ACTG2: variants seen among roughly 807,000 people sequenced by gnomAD.
The protein encoded by ACTG2 is actin gamma 2, smooth muscle.
In ACTG2, 16 loss-of-function variants were observed where a neutral mutation model predicts 37.6. The ratio of observed to expected loss-of-function variants is 0.43; its 90% CI spans 0.29 to 0.65. The LOEUF (loss-of-function observed/expected upper bound fraction) is 0.65, where lower values mean the gene tolerates loss of function less well. Among genes scored for constraint, ACTG2 ranks in the 30% least tolerant of loss-of-function variants. The probability of loss-of-function intolerance (pLI) is 0.18; values close to 1 mark genes in which losing one functional copy is unlikely to be tolerated. For missense variants in ACTG2, 238 were observed against 490.9 expected, an observed-to-expected ratio of 0.48 and a Z score of 4.87; for synonymous variants, 181 against 179.9, an observed-to-expected ratio of 1.01 and a Z score of -0.05.
At chr2:73,902,816 T>C (rs1244973124) in intron 3 of ACTG2, 1 of 1,514,044 alleles carries the variant, frequency 6.6e-7, no homozygotes. Context: ...AGCTCTTCAT[T>C]AACCAACAGG....
intron 3 of ACTG2, 31 bp downstream of exon 3, chr2:73,902,519 C>T (rs1434023711): frequency 1.2e-6 from 2 of 1,613,034 alleles, no homozygotes; most frequent in African/African-American, 2.7e-5. Context: ...AATGAGCCTG[C>T]TTTAATGATC....
At chr2:73,908,819 A>G in intron 4 of ACTG2, 36 bp downstream of exon 4, 1 of 1,529,850 alleles carries the variant, frequency 6.5e-7, no homozygotes, top group Non-Finnish European at 9.1e-7. Flanking sequence ...CTGGCATAAG[A>G]ATGCAACATG....
chr2:73,893,224 C>T (rs1054058563), intron 1 of ACTG2, among the ~76,000 whole-genome samples, 173 bp downstream of exon 1: 31 of 152,174 alleles, frequency 2.0e-4, no homozygotes, highest in African/African-American at 7.5e-4. Flanking sequence ...TGAGAAAAGG[C>T]GTATCTGGCC....
At chr2:73,919,248 C>T (rs1197775726) in intron 8 of ACTG2, among the ~76,000 whole-genome samples, 184 bp from the exon 9 acceptor site, 4 of 152,186 alleles carry the variant, frequency 2.6e-5, no homozygotes, top group African/African-American at 9.7e-5. Flanking sequence ...TGCACTCTTC[C>T]CATGGAAGGA....
In ACTG2 at chr2:73,913,533, A is replaced by G; in HGVS notation, c.500A>G (p.Tyr167Cys). The change falls in exon 6 of 9, where the codon TAT becomes TGT. Residue 167 changes from tyrosine to cysteine, a missense_variant. By Grantham distance (194) the Tyr-to-Cys change is radical (BLOSUM62 -2). Transcript: ENST00000345517. The part of the protein sequence containing the change: ...GDGVTHNVPI[Y>C]EGYALPHAIM... ...GGCGTCACCCACAATGTCCCCATCT[A>G]TGAAGGCTATGCCCTGCCCCATGCC... 3 of 1,613,720 alleles carry G rather than the reference A, an allele frequency of 1.9e-6. No individual in the cohort carries two copies. The highest frequency in any genetic ancestry group is 2.5e-6 in the Non-Finnish European group (3 of 1,179,796).
intron 3 of ACTG2, among the ~76,000 whole-genome samples, chr2:73,904,047 C>T (rs1573464576): frequency 1.3e-5 from 2 of 150,828 alleles, no homozygotes; most frequent in Non-Finnish European, 3.0e-5. Context: ...TAGCTTGAGG[C>T]CAGCCTGGGC....
intron 1 of ACTG2, among the ~76,000 whole-genome samples, chr2:73,896,581 G>A (rs569337019): frequency 6.6e-6 from 1 of 152,254 alleles, no homozygotes; most frequent in South Asian, 2.1e-4. Context: ...AAAGGAAGGA[G>A]GAGCAGTGGG....
intron 8 of ACTG2, 123 bp from the exon 9 acceptor site, chr2:73,919,309 A>G: frequency 8.6e-7 from 1 of 1,166,566 alleles, no homozygotes; most frequent in South Asian, 1.5e-5. Context: ...CTAATCTATC[A>G]CAATGTTTCT....
At chr2:73,908,350 T>C (rs144566206) in intron 3 of ACTG2, 10 of 493,014 alleles carry the variant, frequency 2.0e-5, no homozygotes, top group African/African-American at 1.8e-4. Flanking sequence ...AATGAACACT[T>C]GAGTGATACA....
At chr2:73,901,803 C>A (rs1679891474) in intron 2 of ACTG2, 3 of 244,952 alleles carry the variant, frequency 1.2e-5, no homozygotes, top group East Asian at 1.0e-4. Context: ...ATTGAACAAG[C>A]CTCTTGCCTT....
chr2:73,905,439 A>G (rs1433328273), intron 3 of ACTG2, among the ~76,000 whole-genome samples: 2 of 152,204 alleles, frequency 1.3e-5, no homozygotes, highest in Non-Finnish European at 2.9e-5. Context: ...TGAACAGTTA[A>G]TGCAAATTGA....
intron 4 of ACTG2, 128 bp downstream of exon 4, chr2:73,908,911 C>T (rs1680071278): frequency 8.3e-7 from 1 of 1,198,958 alleles, no homozygotes; most frequent in Non-Finnish European, 1.2e-6. Flanking sequence ...GTGGTCCATG[C>T]CAGGCCCTGG....
At chr2:73,894,070 G>A (rs1383863703) in intron 1 of ACTG2, among the ~76,000 whole-genome samples, 1 of 152,152 alleles carries the variant, frequency 6.6e-6, no homozygotes, top group Non-Finnish European at 1.5e-5. Flanking sequence ...CGTATATACA[G>A]CACTCAGCTC....
At chr2:73,903,738 G>T (rs561647259) in intron 3 of ACTG2, among the ~76,000 whole-genome samples, 2 of 152,162 alleles carry the variant, frequency 1.3e-5, no homozygotes, top group South Asian at 4.2e-4. Context: ...TCAGGAGCTT[G>T]AGACCAACCT....
At chr2:73,897,854 A>C (rs1679782973) in intron 1 of ACTG2, among the ~76,000 whole-genome samples, 2 of 152,196 alleles carry the variant, frequency 1.3e-5, no homozygotes, top group South Asian at 4.1e-4. Context: ...GAGAGTGAGA[A>C]GGGACCAAAT....
chr2:73,911,921 G>A (rs1336235674), intron 5 of ACTG2, among the ~76,000 whole-genome samples: 1 of 152,146 alleles, frequency 6.6e-6, no homozygotes, highest in Non-Finnish European at 1.5e-5. Context: ...TTTATTCACT[G>A]ATTTATCCAT....
chr2:73,896,161 C>T (rs915353382), intron 1 of ACTG2, among the ~76,000 whole-genome samples: 1 of 152,068 alleles, frequency 6.6e-6, no homozygotes, highest in African/African-American at 2.4e-5. Context: ...TAGCAAGACC[C>T]TGTTTCAACA....
chr2:73,906,326 C>G (rs1359656653), intron 3 of ACTG2, among the ~76,000 whole-genome samples: 2 of 151,816 alleles, frequency 1.3e-5, no homozygotes, highest in Non-Finnish European at 2.9e-5. Context: ...TGGTGGGCAC[C>G]CGTAGTCCCA....
intron 5 of ACTG2, among the ~76,000 whole-genome samples, chr2:73,912,348 G>T (rs1365053078): frequency 2.0e-5 from 3 of 152,130 alleles, no homozygotes; most frequent in African/African-American, 7.2e-5. Context: ...AGTAGCAATG[G>T]GGTTTCACCA....
Sources: allele counts gnomAD v4.1 joint callset (sites outside exome capture counted in the v4.1 genomes callset), GRCh38; gene constraint gnomAD v4.1.1; transcripts MANE v1.5; gene names NCBI Gene and HGNC (gene_info 2026-07-23, HGNC 2026-07-21).